The following ROCK2 variants were observed in gnomAD, a reference collection of about 807,000 sequenced individuals.
ROCK2 encodes Rho associated coiled-coil containing protein kinase 2.
A neutral mutation model predicts 195.1 loss-of-function variants in ROCK2; 61 were observed. The observed-to-expected ratio is 0.31, with a 90% confidence interval of 0.25 to 0.39. The LOEUF is 0.39. Ranked by LOEUF, ROCK2 falls within the 10% of genes least tolerant of loss-of-function variation. The pLI, the probability that ROCK2 is intolerant of heterozygous loss-of-function variation, is 1.00. For missense variants in ROCK2, 1,109 were observed against 1,637.4 expected (o/e 0.68, Z 5.57); for synonymous variants, 504 against 545.5 (o/e 0.92, Z 1.06).
intron 18 of ROCK2, among the ~76,000 whole-genome samples, chr2:11,210,077 CAGATTTG>C (rs1664195104): frequency 6.6e-6 from 1 of 152,168 alleles, no homozygotes; most frequent in African/African-American, 2.4e-5. Context: ...GCTTTAGCCT[CAGATTTG>C]AAACCATCTA....
At chr2:11,287,784 C>A (rs1170792884) in intron 1 of ROCK2, 48 bp from the exon 2 acceptor site, 3 of 774,510 alleles carry the variant, frequency 3.9e-6, no homozygotes, top group South Asian at 3.3e-5. Context: ...AATTTCCAAG[C>A]ATTCATTTAA....
At chr2:11,232,442 T>C (rs1415291941) in intron 5 of ROCK2, among the ~76,000 whole-genome samples, 2 of 152,174 alleles carry the variant, frequency 1.3e-5, no homozygotes, top group African/African-American at 4.8e-5. Context: ...ACTATGGACA[T>C]TTCTAATGGC....
At chr2:11,213,063 C>T (rs1235373820) in intron 17 of ROCK2, among the ~76,000 whole-genome samples, 1 of 152,188 alleles carries the variant, frequency 6.6e-6, no homozygotes. Context: ...TATGCCATAT[C>T]TAATCAACTA....
chr2:11,226,973 A>G (rs938211225), intron 6 of ROCK2, among the ~76,000 whole-genome samples: 2 of 151,606 alleles, frequency 1.3e-5, no homozygotes, highest in African/African-American at 4.8e-5. Flanking sequence ...TGAAGCTGTA[A>G]ACTTGCTTCT....
chr2:11,344,043 C>G lies in ROCK2; in HGVS notation c.94G>C (p.Ala32Pro), dbSNP rs1276091293. 4.4e-6 allele frequency: 7 copies of G among 1,586,290 alleles called. No homozygotes were observed. ...GGGGAGCGAGGGTCTCGGATCAGCGCCTCCAGCTTCCTCTGGCGGCTCGCG... is the reference window on the plus strand; with the variant it reads ...GGGGAGCGAGGGTCTCGGATCAGCGGCTCCAGCTTCCTCTGGCGGCTCGCG... ...AGASRQRKLE[A>P]LIRDPRSPIN... The change falls in exon 1 of 33, where the codon GCG (alanine) becomes CCG (proline). Residue 32 changes from alanine to proline, a missense_variant. By Grantham distance (27) the Ala-to-Pro change is conservative (BLOSUM62 -1). Transcript: ENST00000315872. The surrounding 1 kb of genome is among the most constrained non-coding windows in gnomAD (Gnocchi z 5.4).
At chr2:11,323,937 A>C (rs1668472422) in intron 1 of ROCK2, among the ~76,000 whole-genome samples, 1 of 152,156 alleles carries the variant, frequency 6.6e-6, no homozygotes, top group South Asian at 2.1e-4. Flanking sequence ...ACCTGTATCC[A>C]CCATTATAGT....
chr2:11,318,325 T>C (rs1344452358), intron 1 of ROCK2, among the ~76,000 whole-genome samples: 1 of 152,232 alleles, frequency 6.6e-6, no homozygotes, highest in Non-Finnish European at 1.5e-5. Context: ...TGAGATGGTA[T>C]CTCATTGTGG....
At chr2:11,212,495 T>C (rs1216791852) in intron 17 of ROCK2, among the ~76,000 whole-genome samples, 1 of 152,020 alleles carries the variant, frequency 6.6e-6, no homozygotes, top group African/African-American at 2.4e-5. Context: ...TTGCCGACCT[T>C]GTACTTAGTT....
chr2:11,214,915 T>A lies in ROCK2; in HGVS notation c.1861A>T (p.Ile621Phe). 6.2e-7 allele frequency: 1 copy of A among 1,613,984 alleles called. No individual in the cohort carries two copies. Among genetic ancestry groups the A allele is most frequent in the Non-Finnish European group, 8.5e-7 (1 of 1,179,902 alleles). The change falls in exon 16 of 33, where the codon ATC becomes TTC. Residue 621 changes from isoleucine to phenylalanine, a missense_variant. Physicochemically the swap from Ile to Phe is conservative, Grantham distance 21 (BLOSUM62 0). This residue lies in a region of ROCK2 where 542 missense variants were observed against 672.0 expected (regional missense o/e 0.81). Transcript: ENST00000315872. Reference protein sequence around the residue: ...TAKLKLEKEFINLQSALESER... With the variant: ...TAKLKLEKEFFNLQSALESER... Reference sequence around the variant, plus strand: ...GATTCTAGAGCTGACTGAAGATTGATAAATTCCTTTTCAAGTTTTAACTTG... The same window carrying A: ...GATTCTAGAGCTGACTGAAGATTGAAAAATTCCTTTTCAAGTTTTAACTTG...
chr2:11,287,853 T>C, intron 1 of ROCK2, 117 bp from the exon 2 acceptor site: 2 of 394,062 alleles, frequency 5.1e-6, no homozygotes, highest in Non-Finnish European at 9.4e-6. Flanking sequence ...CCCACTTTGA[T>C]ATGATAGTGT....
At chr2:11,336,416 A>AT (rs1668929443) in intron 1 of ROCK2, among the ~76,000 whole-genome samples, 2 of 152,014 alleles carry the variant, frequency 1.3e-5, no homozygotes, top group African/African-American at 2.4e-5. Flanking sequence ...TGCCTGGCTA[A>AT]TTTTTTTATT....
rs952363394 is a variant in ROCK2 at position 11,183,162 on chromosome 2, C to T, written c.*275G>A. The T allele has an allele frequency of 1.8e-5, 6 of 333,070 alleles. No homozygotes were observed. Among genetic ancestry groups the T allele is most frequent in the East Asian group, 5.1e-5 (1 of 19,632 alleles). 20.6% of individuals were successfully genotyped at this position (333,070 alleles called of 1,614,324 possible). A position where few individuals can be genotyped will look rare whatever the true frequency, so the allele number is the denominator to read the frequency against. Reference sequence around the variant, plus strand: ...ATCCTTGTGTGCATTGTAGTGTGAGCGACTGCCGAGAGAGCTTTATGGAAA... The same window carrying T: ...ATCCTTGTGTGCATTGTAGTGTGAGTGACTGCCGAGAGAGCTTTATGGAAA... On this transcript the variant is annotated 3_prime_UTR_variant, in exon 33 of 33. Coordinates refer to ENST00000315872, the MANE Select transcript of ROCK2 (RefSeq NM_004850.5).
At chr2:11,290,915 T>A (rs548352745) in intron 1 of ROCK2, among the ~76,000 whole-genome samples, 1 of 152,250 alleles carries the variant, frequency 6.6e-6, no homozygotes, top group East Asian at 1.9e-4. Context: ...CAATCAAGCC[T>A]TGGTCTATGC....
At chr2:11,277,830 G>A (rs1350050428) in intron 3 of ROCK2, among the ~76,000 whole-genome samples, 1 of 151,976 alleles carries the variant, frequency 6.6e-6, no homozygotes, top group Non-Finnish European at 1.5e-5. Flanking sequence ...TTTTCCTCTG[G>A]GTAGCAAGCA....
intron 4 of ROCK2, among the ~76,000 whole-genome samples, chr2:11,237,130 C>T (rs1665238481): frequency 6.6e-6 from 1 of 152,070 alleles, no homozygotes; most frequent in Admixed American, 6.5e-5. Flanking sequence ...CCAGCCTGGG[C>T]AACAAGAGCA....
intron 3 of ROCK2, among the ~76,000 whole-genome samples, chr2:11,279,157 C>A (rs561345656): frequency 6.6e-6 from 1 of 152,014 alleles, no homozygotes; most frequent in African/African-American, 2.4e-5. Context: ...AAAACAACAA[C>A]AAATATGGTA....
At chr2:11,226,912 GAAAAAAA>G (rs36080073) in intron 6 of ROCK2, among the ~76,000 whole-genome samples, 17 of 100,792 alleles carry the variant, frequency 1.7e-4, no homozygotes, top group Middle Eastern at 4.9e-3. Context: ...CCCTGCCTCA[GAAAAAAA>G]AAAAAAAAAA....
At chr2:11,268,554 G>GTGTGTGTC (rs1666509451) in intron 3 of ROCK2, among the ~76,000 whole-genome samples, 1 of 145,806 alleles carries the variant, frequency 6.9e-6, no homozygotes, top group Non-Finnish European at 1.5e-5. Flanking sequence ...GTGTGTGTGT[G>GTGTGTGTC]TGTCTCTGCA....
In ROCK2 at chr2:11,217,353, G is replaced by A. The variant is rs777177855; in HGVS notation, c.1333-184C>T. On this transcript the variant is annotated intron_variant, in intron 11 of 32. Transcript: ENST00000315872. ...AAAAGGAAAAACTCCCCCATCTCTT[G>A]CTTTCTATCAGAGTACACATGTATA... 1.2e-4 allele frequency: 83 copies of A among 696,870 alleles called. No individual in the cohort carries two copies. The Admixed American group carries it at 1.5e-3, about 12-fold the overall frequency. The allele number at this position is 696,870 out of a possible 1,614,324, so 43.2% of individuals were successfully genotyped here. A position where few individuals can be genotyped will look rare whatever the true frequency, so the allele number is the denominator to read the frequency against.
Sources: gnomAD v4.1 joint callset for allele counts (sites outside exome capture counted in the v4.1 genomes callset) on GRCh38, gnomAD v4.1.1 for gene constraint, gnomAD v4.1.1 regional missense constraint, Gnocchi (gnomAD v3.1) non-coding constraint, MANE v1.5 for transcripts, NCBI Gene and HGNC (gene_info 2026-07-23, HGNC 2026-07-21) for gene names.